The following FGGY variants were observed in gnomAD, a reference collection of about 807,000 sequenced individuals.
The protein encoded by FGGY is FGGY carbohydrate kinase domain containing.
FGGY carries 72 observed loss-of-function variants against 71.3 expected under a neutral mutation model. That is an observed-to-expected ratio of 1.01 (90% confidence interval 0.84 to 1.23). The LOEUF is 1.23. FGGY is among the 50% of genes most tolerant of loss of function. The probability of loss-of-function intolerance (pLI) is 0.00; values close to 1 mark genes in which losing one functional copy is unlikely to be tolerated. For missense variants in FGGY, 668 were observed against 682.3 expected (o/e 0.98, Z 0.23); for synonymous variants, 251 against 250.3 (o/e 1.00, Z -0.02).
chr1:59,666,900 T>G (rs2097331053), intron 12 of FGGY, among the ~76,000 whole-genome samples: 1 of 152,228 alleles, frequency 6.6e-6, no homozygotes, highest in African/African-American at 2.4e-5. Context: ...ATTGACTCTG[T>G]TTCAGAGTAC....
rs150816574 is a variant in FGGY at position 59,414,806 on chromosome 1, C to G, written c.554+35969C>G. Among the ~76,000 whole-genome samples the G allele has an allele frequency of 4.3e-4, 65 of 152,300 alleles. No homozygotes were observed. The East Asian group carries it at 0.011, about 27-fold the overall frequency. On this transcript the variant is annotated intron_variant, in intron 5 of 15. Coordinates refer to ENST00000303721, the MANE Select transcript of FGGY (RefSeq NM_018291.5). ...AGCCATCCTACACTTTCTCCTAGTC[C>G]ACTGATATCCCTCTGTGTCCTCCAT...
intron 8 of FGGY, among the ~76,000 whole-genome samples, chr1:59,576,667 CAG>C (rs1253833793): frequency 2.9e-4 from 40 of 137,952 alleles, no homozygotes; most frequent in African/African-American, 1.1e-3. Flanking sequence ...GACAGACAGA[CAG>C]ACAGACAGAC....
intron 14 of FGGY, among the ~76,000 whole-genome samples, chr1:59,697,893 G>T (rs973881433): frequency 1.3e-5 from 2 of 152,122 alleles, no homozygotes; most frequent in Non-Finnish European, 2.9e-5. Flanking sequence ...GACAAGCTTG[G>T]GTTCCAGTCC....
intron 14 of FGGY, among the ~76,000 whole-genome samples, chr1:59,699,889 A>G (rs1455517719): frequency 2.6e-5 from 4 of 151,986 alleles, no homozygotes; most frequent in East Asian, 1.9e-4. Context: ...TAATTCTTCT[A>G]TTTGCCTTGT....
At chr1:59,516,909 G>A (rs1460267283) in intron 7 of FGGY, among the ~76,000 whole-genome samples, 1 of 152,142 alleles carries the variant, frequency 6.6e-6, no homozygotes, top group Admixed American at 6.5e-5. Flanking sequence ...GCCTGGGATG[G>A]GAGGATAAAG....
Position 59,321,822 on chromosome 1 carries a change from C to T in FGGY, c.201+72C>T, listed in dbSNP as rs184067447. On this transcript the variant is annotated intron_variant, in intron 2 of 15. Transcript: ENST00000303721. ...TGAGTGTCGTGTGTCAATCTGGTGC[C>T]GTAAACAATGTTGGGGTAACTTTAG... 1,209 of 1,470,206 alleles carry T rather than the reference C, an allele frequency of 8.2e-4. 9 individuals are homozygous for T. In the African/African-American group the frequency reaches 9.6e-3, roughly 12 times the overall value. The allele number at this position is 1,470,206 out of a possible 1,614,324, so 91.1% of individuals were successfully genotyped here. A position where few individuals can be genotyped will look rare whatever the true frequency, so the allele number is the denominator to read the frequency against.
At chr1:59,725,304 A>T (rs1487295949) in intron 14 of FGGY, among the ~76,000 whole-genome samples, 2 of 152,058 alleles carry the variant, frequency 1.3e-5, no homozygotes, top group African/African-American at 2.4e-5. Context: ...CTATTTCTGG[A>T]TTCTCTCCTT....
In FGGY at chr1:59,524,921, G is replaced by A. The variant is rs144930331; in HGVS notation, c.799+12482G>A. 1.4e-3 allele frequency among the ~76,000 whole-genome samples: 217 copies of A among 152,322 alleles called. 2 individuals are homozygous for A. Among genetic ancestry groups the A allele is most frequent in the African/African-American group, 5.0e-3 (209 of 41,574 alleles). ...ACAAGGCTGGAAACACATCCCTCCGGCTCACTCGCTACTTTGTGGGCAATG... is the reference window on the plus strand; with the variant it reads ...ACAAGGCTGGAAACACATCCCTCCGACTCACTCGCTACTTTGTGGGCAATG... On this transcript the variant is annotated intron_variant, in intron 7 of 15. Coordinates refer to ENST00000303721, the MANE Select transcript of FGGY (RefSeq NM_018291.5).
rs368507301 is a variant in FGGY at position 59,739,386 on chromosome 1, C to T, written c.1513-18545C>T. ...GCTACCAAACACAGCCTCACCTCACCTATCTGGCCATATGTAAAAACGTTC... is the reference window on the plus strand; with the variant it reads ...GCTACCAAACACAGCCTCACCTCACTTATCTGGCCATATGTAAAAACGTTC... On this transcript the variant is annotated intron_variant, in intron 14 of 15. Transcript: ENST00000303721. 1.1e-4 allele frequency among the ~76,000 whole-genome samples: 16 copies of T among 152,286 alleles called. No homozygotes were observed. The East Asian group carries it at 1.5e-3, about 15-fold the overall frequency.
At chr1:59,561,549 G>A (rs986545687) in intron 8 of FGGY, among the ~76,000 whole-genome samples, 1 of 152,170 alleles carries the variant, frequency 6.6e-6, no homozygotes, top group African/African-American at 2.4e-5. Flanking sequence ...AACCCAGGCA[G>A]TAGCACCCTT....
chr1:59,354,598 G>A (rs1288006932), intron 4 of FGGY, among the ~76,000 whole-genome samples: 1 of 152,124 alleles, frequency 6.6e-6, no homozygotes. Flanking sequence ...TGATGGCTTC[G>A]GGAGGATCTG....
rs9436183 is a variant in FGGY at position 59,723,115 on chromosome 1, C to A, written c.1513-34816C>A. On this transcript the variant is annotated intron_variant, in intron 14 of 15. Coordinates refer to ENST00000303721, the MANE Select transcript of FGGY (RefSeq NM_018291.5). ...CCTGGCCAGAGTCTGCTTCTTGTTACTGGAGACTGGTGGTTAGACACCAAG... is the reference window on the plus strand; with the variant it reads ...CCTGGCCAGAGTCTGCTTCTTGTTAATGGAGACTGGTGGTTAGACACCAAG... 9.9e-3 allele frequency among the ~76,000 whole-genome samples: 1,501 copies of A among 152,192 alleles called. 31 individuals are homozygous for A. The highest frequency in any genetic ancestry group is 0.034 in the African/African-American group (1,424 of 41,510).
intron 13 of FGGY, among the ~76,000 whole-genome samples, chr1:59,669,544 T>C (rs1190566947): frequency 2.5e-5 from 3 of 121,424 alleles, no homozygotes; most frequent in African/African-American, 9.7e-5. Context: ...AGACTTCTTT[T>C]TTTTTTTTTT....
At chr1:59,726,547 A>G (rs932041157) in intron 14 of FGGY, among the ~76,000 whole-genome samples, 2 of 152,120 alleles carry the variant, frequency 1.3e-5, no homozygotes, top group African/African-American at 2.4e-5. Flanking sequence ...AGTAAAAACC[A>G]TTTGGGCCTG....
At chr1:59,500,228 C>CAGGAAGAGCAAAGG (rs1416542309) in intron 6 of FGGY, among the ~76,000 whole-genome samples, 1 of 152,090 alleles carries the variant, frequency 6.6e-6, no homozygotes, top group Non-Finnish European at 1.5e-5. Flanking sequence ...CATATCCTTC[C>CAGGAAGAGCAAAGG]TTTTATAAAC....
chr1:59,374,896 TG>T (rs2058373533), intron 4 of FGGY, among the ~76,000 whole-genome samples: 1 of 86,028 alleles, frequency 1.2e-5, no homozygotes, highest in East Asian at 4.1e-4. Context: ...CATCACACTC[TG>T]GGGACTGTTG....
chr1:59,685,790 T>C (rs1372952969), intron 14 of FGGY, among the ~76,000 whole-genome samples: 1 of 152,182 alleles, frequency 6.6e-6, no homozygotes, highest in Non-Finnish European at 1.5e-5. Context: ...GGTCTCGCTC[T>C]ATTGCCCAGG....
chr1:59,692,005 A>T (rs2154003203), intron 14 of FGGY, among the ~76,000 whole-genome samples: 1 of 152,298 alleles, frequency 6.6e-6, no homozygotes, highest in South Asian at 2.1e-4. Context: ...CATTCATTCA[A>T]CAAATACCCC....
chr1:59,370,997 A>G (rs997943406), intron 4 of FGGY, among the ~76,000 whole-genome samples: 3 of 152,002 alleles, frequency 2.0e-5, no homozygotes, highest in Non-Finnish European at 4.4e-5. Context: ...AACTGCATCA[A>G]CTAACGAGCA....
Sources: allele counts gnomAD v4.1 joint callset (sites outside exome capture counted in the v4.1 genomes callset), GRCh38; gene constraint gnomAD v4.1.1; transcripts MANE v1.5; gene names NCBI Gene and HGNC (gene_info 2026-07-23, HGNC 2026-07-21).